The following CACHD1 variants were observed in gnomAD, a reference collection of about 807,000 sequenced individuals.
The protein encoded by CACHD1 is cache domain containing 1, also known as VWFA and cache domain-containing protein 1.
CACHD1 carries 71 observed loss-of-function variants against 138.7 expected under a neutral mutation model. The ratio of observed to expected loss-of-function variants is 0.51; its 90% CI spans 0.42 to 0.62. The LOEUF (loss-of-function observed/expected upper bound fraction) is 0.62. CACHD1 is among the 20% of genes least tolerant of loss of function. CACHD1 has a pLI of 0.00. For missense variants in CACHD1, 1,389 were observed against 1,625.3 expected (o/e 0.85, Z 2.50); for synonymous variants, 578 against 591.5 (o/e 0.98, Z 0.33).
chr1:64,520,194 AG>A (rs1461537885), intron 1 of CACHD1, among the ~76,000 whole-genome samples: 8 of 152,250 alleles, frequency 5.3e-5, no homozygotes, highest in Non-Finnish European at 1.0e-4. Context: ...TTAGGGGACA[AG>A]CCTATCAAGG....
At chr1:64,517,071 G>C (rs1184833421) in intron 1 of CACHD1, among the ~76,000 whole-genome samples, 1 of 152,206 alleles carries the variant, frequency 6.6e-6, no homozygotes, top group Non-Finnish European at 1.5e-5. Flanking sequence ...ATGAAGCGGG[G>C]AAAGCACTTG....
At chr1:64,541,665 C>T (rs1646678205) in intron 1 of CACHD1, among the ~76,000 whole-genome samples, 1 of 150,380 alleles carries the variant, frequency 6.6e-6, no homozygotes, top group South Asian at 2.1e-4. Flanking sequence ...AAAACAAAAC[C>T]AACAAAAAAA....
chr1:64,587,988 T>C (rs1361382413), intron 3 of CACHD1, among the ~76,000 whole-genome samples: 3 of 151,618 alleles, frequency 2.0e-5, no homozygotes, highest in African/African-American at 7.3e-5. Context: ...AATCAGAAGA[T>C]TTGGCAATAC....
chr1:64,539,151 A>G (rs752692065), intron 1 of CACHD1, among the ~76,000 whole-genome samples: 9 of 152,110 alleles, frequency 5.9e-5, no homozygotes, highest in Non-Finnish European at 1.2e-4. Flanking sequence ...ATGCTAATGG[A>G]TTTCTAAATG....
chr1:64,480,401 T>C (rs1222091432), intron 1 of CACHD1, among the ~76,000 whole-genome samples: 2 of 152,100 alleles, frequency 1.3e-5, no homozygotes, highest in Non-Finnish European at 2.9e-5. Flanking sequence ...TCTCTTAGAA[T>C]GAAAAAGAAA....
chr1:64,633,893 A>G, intron 6 of CACHD1, 151 bp from the exon 7 acceptor site: 1 of 624,740 alleles, frequency 1.6e-6, no homozygotes, highest in Non-Finnish European at 2.8e-6. Flanking sequence ...CAAATTTGAT[A>G]GATGGATGGC....
At chr1:64,576,179 AG>A (rs1439410065) in intron 2 of CACHD1, among the ~76,000 whole-genome samples, 10 of 152,212 alleles carry the variant, frequency 6.6e-5, no homozygotes, top group African/African-American at 1.9e-4. Context: ...AGGATAAAGA[AG>A]GATAAAAGAT....
chr1:64,633,795 T>C (rs1158579841), intron 6 of CACHD1, among the ~76,000 whole-genome samples: 1 of 152,220 alleles, frequency 6.6e-6, no homozygotes, highest in Non-Finnish European at 1.5e-5. Flanking sequence ...TTTAATGTTA[T>C]GTATGAACAT....
At chr1:64,574,226 C>G (rs1646948599) in intron 2 of CACHD1, among the ~76,000 whole-genome samples, 1 of 152,154 alleles carries the variant, frequency 6.6e-6, no homozygotes, top group African/African-American at 2.4e-5. Flanking sequence ...TCAGCACGAG[C>G]TTGGGCAAAC....
At chr1:64,686,238 C>G (rs1034500897) in intron 26 of CACHD1, among the ~76,000 whole-genome samples, 2 of 152,054 alleles carry the variant, frequency 1.3e-5, no homozygotes, top group Non-Finnish European at 2.9e-5. Flanking sequence ...AAAGGAAACT[C>G]AAAAGAATTA....
intron 1 of CACHD1, among the ~76,000 whole-genome samples, chr1:64,484,585 T>C: frequency 6.6e-6 from 1 of 152,226 alleles, no homozygotes. Context: ...CATCCATCTC[T>C]AGAACTTTTT....
intron 13 of CACHD1, among the ~76,000 whole-genome samples, chr1:64,662,488 A>G (rs936975054): frequency 2.6e-5 from 4 of 152,182 alleles, no homozygotes; most frequent in African/African-American, 9.7e-5. Flanking sequence ...TTAGGCCTCA[A>G]GCTATTTCTA....
chr1:64,542,353 A>G (rs1018470212), intron 1 of CACHD1, among the ~76,000 whole-genome samples: 7 of 152,032 alleles, frequency 4.6e-5, no homozygotes, highest in African/African-American at 1.2e-4. Flanking sequence ...TTCCTTTGCC[A>G]TGGTTTTCAG....
At chr1:64,681,912 C>A in intron 25 of CACHD1, 93 bp from the exon 26 acceptor site, 1 of 1,055,250 alleles carries the variant, frequency 9.5e-7, no homozygotes. Context: ...AGAATTCTCC[C>A]AGCATGTAAA....
chr1:64,504,284 C>G (rs1443132951), intron 1 of CACHD1, among the ~76,000 whole-genome samples: 1 of 152,232 alleles, frequency 6.6e-6, no homozygotes, highest in Non-Finnish European at 1.5e-5. Context: ...CCTGCCTTGT[C>G]TTCCCAAAGT....
intron 2 of CACHD1, among the ~76,000 whole-genome samples, chr1:64,558,049 G>A (rs370998625): frequency 6.6e-5 from 10 of 151,856 alleles, no homozygotes; most frequent in East Asian, 3.9e-4. Context: ...CACCCACCTC[G>A]GCCTCCCAAA....
rs367669651 is a variant in CACHD1, at chr1:64,497,235, G to A, written c.198+26293G>A. Reference sequence around the variant, plus strand: ...TGCTACAGGGCTTTGATTTGCAGTGGTCATCCTTTGATTATCCAGTCACTC... The same window carrying A: ...TGCTACAGGGCTTTGATTTGCAGTGATCATCCTTTGATTATCCAGTCACTC... On this transcript the variant is annotated intron_variant, in intron 1 of 26. Coordinates refer to ENST00000651257, the MANE Select transcript of CACHD1 (RefSeq NM_020925.4). Among the ~76,000 whole-genome samples the A allele has an allele frequency of 1.4e-4, 21 of 152,208 alleles. No homozygotes were observed. In the East Asian group the frequency reaches 3.3e-3, roughly 24 times the overall value.
At chr1:64,603,167 C>T (rs914817342) in intron 4 of CACHD1, among the ~76,000 whole-genome samples, 10 of 141,964 alleles carry the variant, frequency 7.0e-5, no homozygotes, top group East Asian at 6.3e-4. Flanking sequence ...TGCAGTGCCG[C>T]GATCTCGGCT....
intron 2 of CACHD1, among the ~76,000 whole-genome samples, chr1:64,560,000 A>T (rs1367215239): frequency 6.6e-6 from 1 of 152,186 alleles, no homozygotes; most frequent in Non-Finnish European, 1.5e-5. Context: ...AGGTGTTTGT[A>T]ATAATCTGTA....
Sources: allele counts gnomAD v4.1 joint callset (sites outside exome capture counted in the v4.1 genomes callset), GRCh38; gene constraint gnomAD v4.1.1; transcripts MANE v1.5; gene names NCBI Gene and HGNC (gene_info 2026-07-23, HGNC 2026-07-21).